The following PPP2R2B variants were observed in gnomAD, a reference collection of about 807,000 sequenced individuals.
PPP2R2B encodes the protein serine/threonine-protein phosphatase 2A 55 kDa regulatory subunit B beta isoform.
Under a neutral mutation model 46.0 loss-of-function variants are expected in PPP2R2B, and 5 were observed. That is an observed-to-expected ratio of 0.11 (90% CI 0.06 to 0.23). The LOEUF (loss-of-function observed/expected upper bound fraction) is 0.23. Ranked by LOEUF, PPP2R2B falls within the 10% of genes least tolerant of loss-of-function variation. The probability of loss-of-function intolerance (pLI) is 1.00; values close to 1 mark genes in which losing one functional copy is unlikely to be tolerated. For missense variants in PPP2R2B, 367 were observed against 575.0 expected, an observed-to-expected ratio of 0.64 and a Z score of 3.70; for synonymous variants, 215 against 206.7, an observed-to-expected ratio of 1.04 and a Z score of -0.34.
intron 1 of PPP2R2B, among the ~76,000 whole-genome samples, chr5:147,004,271 C>G (rs1190284299): frequency 3.5e-5 from 3 of 84,682 alleles, no homozygotes; most frequent in African/African-American, 2.0e-4. Context: ...CACTAGAAGA[C>G]ACACTGCCCC....
At chr5:146,958,866 C>T (rs1208998200) in intron 1 of PPP2R2B, among the ~76,000 whole-genome samples, 1 of 152,162 alleles carries the variant, frequency 6.6e-6, no homozygotes, top group Admixed American at 6.5e-5. Context: ...CAAACTTATG[C>T]AATAGGTTCT....
In PPP2R2B at chr5:146,673,771, G is replaced by A. The variant is rs149221666; in HGVS notation, c.447+17357C>T. 3.0e-3 allele frequency among the ~76,000 whole-genome samples: 451 copies of A among 152,306 alleles called. 1 individual carries two copies. The highest frequency in any genetic ancestry group is 0.011 in the African/African-American group (442 of 41,568). On this transcript the variant is annotated intron_variant, in intron 5 of 9. Coordinates refer to ENST00000394411, the MANE Select transcript of PPP2R2B (RefSeq NM_181675.4). ...AGCATGTAACCTTTCTTAGCTCAGT[G>A]AGAACTTGAAAGTTTACTGAGCTTT...
chr5:146,994,144 T>A (rs1260641954), intron 1 of PPP2R2B, among the ~76,000 whole-genome samples: 2 of 152,094 alleles, frequency 1.3e-5, no homozygotes, highest in African/African-American at 4.8e-5. Flanking sequence ...AGGGCAATGG[T>A]CCATTTCAAC....
chr5:147,070,029 T>C (rs1285821462), intron 2 of PPP2R2B, among the ~76,000 whole-genome samples: 9 of 152,070 alleles, frequency 5.9e-5, no homozygotes, highest in African/African-American at 2.2e-4. Flanking sequence ...GACCTCGTGA[T>C]CTGCCTGCCT....
intron 1 of PPP2R2B, among the ~76,000 whole-genome samples, chr5:147,043,415 C>T (rs953911033): frequency 3.3e-5 from 5 of 151,978 alleles, no homozygotes; most frequent in African/African-American, 7.2e-5. Context: ...GAAAAGACCA[C>T]GTGAGGACTC....
chr5:146,923,832 A>G (rs1384724105), intron 1 of PPP2R2B, among the ~76,000 whole-genome samples: 1 of 152,206 alleles, frequency 6.6e-6, no homozygotes, highest in East Asian at 1.9e-4. Flanking sequence ...AAGGCCCATC[A>G]GTGATAGACT....
intron 2 of PPP2R2B, among the ~76,000 whole-genome samples, chr5:146,850,253 C>G (rs223100): frequency 0.49 from 74,059 of 151,988 alleles, 19,800 homozygotes; most frequent in East Asian, 0.72. Context: ...TCAGTTTCAT[C>G]TGAGTAAATC....
At chr5:146,766,466 G>A (rs1179718980) in intron 2 of PPP2R2B, among the ~76,000 whole-genome samples, 3 of 152,134 alleles carry the variant, frequency 2.0e-5, no homozygotes, top group Admixed American at 2.0e-4. Flanking sequence ...GCTCCAGGCA[G>A]GTGAAAAGAA....
rs544523352 is a variant in PPP2R2B at position 147,001,841 on chromosome 5, C to T, written c.79+53824G>A. ...GGCTTTCTAACAACCCCCAACTCTTCGGAGTTGGGAGCATTGGTTTGCCTG... is the reference window on the plus strand; with the variant it reads ...GGCTTTCTAACAACCCCCAACTCTTTGGAGTTGGGAGCATTGGTTTGCCTG... On this transcript the variant is annotated intron_variant, in intron 1 of 8. Coordinates refer to the PPP2R2B transcript ENST00000336640. Among the ~76,000 whole-genome samples, 23 of 152,238 alleles carry T rather than the reference C, an allele frequency of 1.5e-4. No individual in the cohort carries two copies. In the East Asian group the frequency reaches 3.5e-3, roughly 23 times the overall value.
intron 8 of PPP2R2B, among the ~76,000 whole-genome samples, chr5:146,593,813 C>T (rs1181277080): frequency 6.6e-6 from 1 of 152,086 alleles, no homozygotes; most frequent in Non-Finnish European, 1.5e-5. Context: ...TTTACATAGG[C>T]CCTTTATTCT....
At chr5:146,668,341 G>A (rs924779632) in intron 5 of PPP2R2B, among the ~76,000 whole-genome samples, 2 of 152,110 alleles carry the variant, frequency 1.3e-5, no homozygotes, top group Non-Finnish European at 2.9e-5. Context: ...TCCCTAGCTA[G>A]AAATTTTATT....
At chr5:146,714,229 G>A (rs1488408322) in intron 2 of PPP2R2B, among the ~76,000 whole-genome samples, 1 of 152,166 alleles carries the variant, frequency 6.6e-6, no homozygotes, top group Non-Finnish European at 1.5e-5. Flanking sequence ...CAAGCTAAAA[G>A]TTTAGAGTAA....
chr5:146,882,400 T>C (rs1397237040), upstream of PPP2R2B, among the ~76,000 whole-genome samples: 1 of 152,204 alleles, frequency 6.6e-6, no homozygotes, highest in Non-Finnish European at 1.5e-5. Flanking sequence ...ATACAGCAAA[T>C]GCATTCTATA....
At chr5:146,906,664 T>A (rs1336698141) in intron 1 of PPP2R2B, among the ~76,000 whole-genome samples, 1 of 152,198 alleles carries the variant, frequency 6.6e-6, no homozygotes, top group Non-Finnish European at 1.5e-5. Flanking sequence ...TTATGCATCA[T>A]CATATTTATG....
At chr5:146,810,625 A>T (rs1202316416) in intron 2 of PPP2R2B, among the ~76,000 whole-genome samples, 1 of 152,164 alleles carries the variant, frequency 6.6e-6, no homozygotes, top group Middle Eastern at 3.2e-3. Context: ...AGCAAAGTTC[A>T]TGTATGCTCT....
intron 7 of PPP2R2B, among the ~76,000 whole-genome samples, chr5:146,604,564 G>T (rs1331621366): frequency 6.6e-6 from 1 of 152,166 alleles, no homozygotes; most frequent in Non-Finnish European, 1.5e-5. Context: ...TAGCCACTGG[G>T]GGTATGTCAG....
At chr5:146,925,706 G>A (rs1582439629) in intron 1 of PPP2R2B, among the ~76,000 whole-genome samples, 1 of 152,026 alleles carries the variant, frequency 6.6e-6, no homozygotes, top group Non-Finnish European at 1.5e-5. Flanking sequence ...GGAAGTTTTG[G>A]CCATTATTTT....
At chr5:146,991,236 A>T (rs945722005) in intron 1 of PPP2R2B, among the ~76,000 whole-genome samples, 1 of 152,192 alleles carries the variant, frequency 6.6e-6, no homozygotes, top group African/African-American at 2.4e-5. Context: ...TATACAAAGG[A>T]AATGAAATCA....
chr5:146,971,443 G>T (rs924826499), intron 1 of PPP2R2B, among the ~76,000 whole-genome samples: 2 of 152,268 alleles, frequency 1.3e-5, no homozygotes, highest in Non-Finnish European at 2.9e-5. Flanking sequence ...TATGTTGGGA[G>T]TCTTTTTTCC....
Sources: gnomAD v4.1 joint callset for allele counts (sites outside exome capture counted in the v4.1 genomes callset) on GRCh38, gnomAD v4.1.1 for gene constraint, MANE v1.5 for transcripts, NCBI Gene and HGNC (gene_info 2026-07-23, HGNC 2026-07-21) for gene names.